LAPTM4B: variants seen among roughly 807,000 people sequenced by gnomAD.
LAPTM4B encodes the protein lysosomal-associated transmembrane protein 4B.
A neutral mutation model predicts 28.5 loss-of-function variants in LAPTM4B; 26 were observed. The observed-to-expected ratio is 0.91, with a 90% confidence interval of 0.67 to 1.27. The LOEUF is 1.27. LAPTM4B is among the 50% of genes most tolerant of loss of function. The pLI, the probability that LAPTM4B is intolerant of heterozygous loss-of-function variation, is 0.00. For missense variants in LAPTM4B, 288 were observed against 285.8 expected (o/e 1.01, Z -0.06); for synonymous variants, 109 against 106.4 (o/e 1.02, Z -0.15).
intron 1 of LAPTM4B, 25 bp from the exon 2 acceptor site, chr8:97,805,324 CTTTT>C (rs386413439): frequency 9.3e-5 from 78 of 840,424 alleles, no homozygotes; most frequent in South Asian, 2.1e-4. Context: ...TACTTAAATT[CTTTT>C]TTTTTTTTTT....
At chr8:97,778,648 A>T (rs1816263468) in intron 1 of LAPTM4B, among the ~76,000 whole-genome samples, 1 of 152,148 alleles carries the variant, frequency 6.6e-6, no homozygotes, top group Non-Finnish European at 1.5e-5. Context: ...TCACCTTGTG[A>T]TAGATTTAAA....
At chr8:97,837,097 CCTGA>C (rs1442430916) in intron 6 of LAPTM4B, among the ~76,000 whole-genome samples, 12 of 151,894 alleles carry the variant, frequency 7.9e-5, no homozygotes, top group Non-Finnish European at 1.8e-4. Flanking sequence ...ACAGGTATTG[CCTGA>C]CTAAGGGGGA....
At chr8:97,816,286 G>T in intron 4 of LAPTM4B, 106 bp downstream of exon 4, 1 of 1,148,132 alleles carries the variant, frequency 8.7e-7, no homozygotes, top group Non-Finnish European at 1.2e-6. Flanking sequence ...AGGATTTTTA[G>T]CTTGCAGCTG....
chr8:97,836,213 C>T (rs377044032), intron 6 of LAPTM4B, among the ~76,000 whole-genome samples: 4 of 152,160 alleles, frequency 2.6e-5, no homozygotes, highest in African/African-American at 9.6e-5. Context: ...TTTTGAGTCT[C>T]GCTCTGTCAG....
intron 1 of LAPTM4B, among the ~76,000 whole-genome samples, chr8:97,776,845 A>G (rs972731659): frequency 6.6e-6 from 1 of 152,144 alleles, no homozygotes; most frequent in Non-Finnish European, 1.5e-5. Flanking sequence ...TCAGCGGGCA[A>G]ATCTGGCATT....
intron 4 of LAPTM4B, among the ~76,000 whole-genome samples, chr8:97,818,174 A>G (rs1816951538): frequency 1.3e-5 from 2 of 152,178 alleles, no homozygotes; most frequent in African/African-American, 4.8e-5. Flanking sequence ...TGACGATTTT[A>G]TTTCTTAGAT....
At chr8:97,783,747 G>GTCCC (rs1386301966) in intron 1 of LAPTM4B, among the ~76,000 whole-genome samples, 1 of 152,076 alleles carries the variant, frequency 6.6e-6, no homozygotes, top group Non-Finnish European at 1.5e-5. Flanking sequence ...AGGCCTTTCC[G>GTCCC]TCCCTCCCTC....
intron 1 of LAPTM4B, among the ~76,000 whole-genome samples, chr8:97,780,599 T>C (rs997004643): frequency 1.3e-5 from 2 of 152,192 alleles, no homozygotes; most frequent in African/African-American, 2.4e-5. Context: ...ACTAGATACT[T>C]TGCATAAGGT....
At chr8:97,813,114 C>T (rs1159518738) in intron 2 of LAPTM4B, among the ~76,000 whole-genome samples, 1 of 152,148 alleles carries the variant, frequency 6.6e-6, no homozygotes, top group African/African-American at 2.4e-5. Flanking sequence ...CTTATATGAC[C>T]ACAAGGTAAA....
chr8:97,802,677 C>T (rs748956009), intron 1 of LAPTM4B, among the ~76,000 whole-genome samples: 1 of 152,084 alleles, frequency 6.6e-6, no homozygotes. Context: ...TTTACCAAGC[C>T]CCTGTTCATA....
chr8:97,825,194 C>G, intron 6 of LAPTM4B, 41 bp downstream of exon 6: 1 of 1,053,834 alleles, frequency 9.5e-7, no homozygotes, highest in Non-Finnish European at 1.5e-6. Context: ...TCGCCCACAC[C>G]TTTACTGTAT....
chr8:97,831,980 C>T (rs1817190051), intron 6 of LAPTM4B, among the ~76,000 whole-genome samples: 1 of 152,122 alleles, frequency 6.6e-6, no homozygotes, highest in Non-Finnish European at 1.5e-5. Flanking sequence ...CAGGAGCCTT[C>T]TGCTTTGATT....
intron 1 of LAPTM4B, among the ~76,000 whole-genome samples, chr8:97,798,221 T>C (rs1304927148): frequency 6.6e-6 from 1 of 152,198 alleles, no homozygotes; most frequent in Non-Finnish European, 1.5e-5. Context: ...ATGTTTGACC[T>C]TTTCTATCTG....
rs181047344 is a variant in LAPTM4B at position 97,848,094 on chromosome 8, T to A, written c.604-3303T>A. Among the ~76,000 whole-genome samples the A allele has an allele frequency of 8.8e-3, 1,341 of 152,174 alleles. 12 individuals carry two copies. The highest frequency in any genetic ancestry group is 0.024 in the Middle Eastern group (7 of 294). ...GCCTGGCCAACGTGGCAAAACCCCA[T>A]CACTACTAAAACTAAAAATTAGCCG... On this transcript the variant is annotated intron_variant, in intron 6 of 6. Transcript: ENST00000521545.
chr8:97,822,341 C>A (rs1369613151), intron 5 of LAPTM4B, among the ~76,000 whole-genome samples: 7 of 151,894 alleles, frequency 4.6e-5, no homozygotes. Context: ...ATAAATCTTA[C>A]CTGCAGGAAG....
At chr8:97,830,193 GGA>G (rs1817159650) in intron 6 of LAPTM4B, among the ~76,000 whole-genome samples, 3 of 152,152 alleles carry the variant, frequency 2.0e-5, no homozygotes, top group African/African-American at 4.8e-5. Context: ...GAGACGGTGA[GGA>G]GAGAGTGGGT....
chr8:97,797,624 A>G (rs113000234), intron 1 of LAPTM4B, among the ~76,000 whole-genome samples: 2 of 152,182 alleles, frequency 1.3e-5, no homozygotes, highest in Non-Finnish European at 2.9e-5. Flanking sequence ...TCATTTTTGG[A>G]TACAACCTGT....
At chr8:97,805,505 C>T in intron 2 of LAPTM4B, 41 bp downstream of exon 2, 1 of 1,066,970 alleles carries the variant, frequency 9.4e-7, no homozygotes. Flanking sequence ...GGCAGGGAAT[C>T]TGACTGCCAG....
At chr8:97,788,372 A>G in intron 1 of LAPTM4B, 1 of 313,290 alleles carries the variant, frequency 3.2e-6, no homozygotes, top group Non-Finnish European at 6.4e-6. Flanking sequence ...CAAGAAGCGG[A>G]GTCAGGCACA....
Sources: gnomAD v4.1 joint callset for allele counts (sites outside exome capture counted in the v4.1 genomes callset) on GRCh38, gnomAD v4.1.1 for gene constraint, MANE v1.5 for transcripts, NCBI Gene and HGNC (gene_info 2026-07-23, HGNC 2026-07-21) for gene names.